Variants in COG6 observed in about 807,000 individuals in gnomAD.
The protein encoded by COG6 is component of oligomeric golgi complex 6, also known as conserved oligomeric Golgi complex subunit 6.
COG6 carries 74 observed loss-of-function variants against 88.8 expected under a neutral mutation model. The ratio of observed to expected loss-of-function variants is 0.83; its 90% CI spans 0.69 to 1.01. The LOEUF (loss-of-function observed/expected upper bound fraction) is 1.01. COG6 is among the 50% of genes least tolerant of loss of function. The probability of loss-of-function intolerance (pLI) is 0.00; values close to 1 mark genes in which losing one functional copy is unlikely to be tolerated. For missense variants in COG6, 800 were observed against 797.9 expected, an observed-to-expected ratio of 1.00 and a Z score of -0.03; for synonymous variants, 286 against 278.7, an observed-to-expected ratio of 1.03 and a Z score of -0.26.
chr13:39,673,383 G>A (rs1455310291), intron 4 of COG6, among the ~76,000 whole-genome samples: 1 of 151,972 alleles, frequency 6.6e-6, no homozygotes, highest in Non-Finnish European at 1.5e-5. Flanking sequence ...TGGAAATGCT[G>A]ACAAGAAAAC....
chr13:39,708,451 T>G (rs1217992687), intron 13 of COG6, among the ~76,000 whole-genome samples: 1 of 152,222 alleles, frequency 6.6e-6, no homozygotes, highest in African/African-American at 2.4e-5. Context: ...TAAGAAATCT[T>G]TGGCTATCTC....
At chr13:39,760,937 G>A (rs1880990566) in intron 18 of COG6, among the ~76,000 whole-genome samples, 1 of 151,644 alleles carries the variant, frequency 6.6e-6, no homozygotes, top group African/African-American at 2.4e-5. Context: ...ATGGCACAGT[G>A]CTTCATTTTC....
rs553623350 is a variant in COG6 at position 39,785,054 on chromosome 13, C to G, written c.1827-3281C>G. 7.2e-5 allele frequency among the ~76,000 whole-genome samples: 11 copies of G among 152,320 alleles called. No homozygotes were observed. In the South Asian group the frequency reaches 8.3e-4, roughly 11 times the overall value. On this transcript the variant is annotated intron_variant, in intron 18 of 18. Coordinates refer to the COG6 transcript ENST00000416691. ...CTTGATCATGGCCAACCGCAATATG[C>G]TTCAGCCTTGTGGCTATGGCATAGT...
At chr13:39,761,846 G>A (rs1457672390) in intron 18 of COG6, among the ~76,000 whole-genome samples, 2 of 151,064 alleles carry the variant, frequency 1.3e-5, no homozygotes, top group African/African-American at 2.4e-5. Context: ...ATCTCATTTT[G>A]GCTATTATCA....
At chr13:39,726,640 A>G (rs1879149663) in intron 17 of COG6, among the ~76,000 whole-genome samples, 2 of 151,978 alleles carry the variant, frequency 1.3e-5, no homozygotes, top group African/African-American at 4.8e-5. Flanking sequence ...TAAAACTTAA[A>G]TCAGATTTCT....
At chr13:39,686,810 G>A (rs1876670176) in intron 8 of COG6, among the ~76,000 whole-genome samples, 2 of 152,060 alleles carry the variant, frequency 1.3e-5, no homozygotes, top group Admixed American at 1.3e-4. Context: ...GCTAACTGCA[G>A]CCTGAACCTC....
chr13:39,664,378 C>A (rs1446886634), intron 3 of COG6, among the ~76,000 whole-genome samples: 1 of 152,192 alleles, frequency 6.6e-6, no homozygotes, highest in African/African-American at 2.4e-5. Flanking sequence ...TACTTCTCTT[C>A]TTATTGTTTA....
intron 4 of COG6, among the ~76,000 whole-genome samples, chr13:39,668,515 G>T (rs890640163): frequency 3.9e-5 from 6 of 152,084 alleles, no homozygotes; most frequent in Non-Finnish European, 7.4e-5. Context: ...AAGGCCGGGC[G>T]CCGTAGCTCA....
intron 13 of COG6, among the ~76,000 whole-genome samples, chr13:39,708,555 G>A (rs1878067032): frequency 6.6e-6 from 1 of 152,070 alleles, no homozygotes; most frequent in African/African-American, 2.4e-5. Context: ...AAATTTTTGA[G>A]TATGGTATGA....
intron 18 of COG6, among the ~76,000 whole-genome samples, chr13:39,763,186 A>G (rs1445196973): frequency 6.6e-6 from 1 of 151,718 alleles, no homozygotes; most frequent in Non-Finnish European, 1.5e-5. Flanking sequence ...TTAGTTTTGT[A>G]TGTTTTTGTA....
intron 8 of COG6, among the ~76,000 whole-genome samples, chr13:39,686,423 A>G (rs1372667882): frequency 6.6e-6 from 1 of 152,168 alleles, no homozygotes; most frequent in African/African-American, 2.4e-5. Flanking sequence ...TTGAATCCCA[A>G]ATTGTCCTAT....
chr13:39,706,643 T>C (rs753574623), intron 13 of COG6, among the ~76,000 whole-genome samples: 1 of 152,106 alleles, frequency 6.6e-6, no homozygotes, highest in Non-Finnish European at 1.5e-5. Context: ...ATATGGAATA[T>C]GAAGTTTTCA....
intron 18 of COG6, among the ~76,000 whole-genome samples, chr13:39,739,824 A>G (rs1879954475): frequency 6.6e-6 from 1 of 152,180 alleles, no homozygotes; most frequent in South Asian, 2.1e-4. Context: ...AAAAGAATTA[A>G]TAAAACTTAT....
intron 13 of COG6, among the ~76,000 whole-genome samples, chr13:39,712,174 A>G (rs1380072097): frequency 6.6e-6 from 1 of 151,872 alleles, no homozygotes; most frequent in Admixed American, 6.6e-5. Context: ...TGTATCTTGC[A>G]TTTTTCATTT....
intron 4 of COG6, 94 bp downstream of exon 4, chr13:39,665,248 T>G: frequency 1.4e-6 from 1 of 739,784 alleles, no homozygotes; most frequent in South Asian, 1.5e-5. Context: ...TAAAGCAGAA[T>G]AATAAAAAAC....
At chr13:39,752,806 G>GT (rs1880709527), downstream of COG6, among the ~76,000 whole-genome samples, 1 of 152,120 alleles carries the variant, frequency 6.6e-6, no homozygotes, top group African/African-American at 2.4e-5. Flanking sequence ...ATAAAACATT[G>GT]TAAGTAATAA....
At chr13:39,669,175 G>C (rs1413402306) in intron 4 of COG6, among the ~76,000 whole-genome samples, 1 of 152,182 alleles carries the variant, frequency 6.6e-6, no homozygotes, top group Non-Finnish European at 1.5e-5. Context: ...TCAGAATTAA[G>C]CCTGTGCCTT....
chr13:39,765,426 T>C (rs1881135613), intron 18 of COG6, among the ~76,000 whole-genome samples: 1 of 152,206 alleles, frequency 6.6e-6, no homozygotes, highest in African/African-American at 2.4e-5. Context: ...TAGCTGATTT[T>C]TGAATACTAG....
chr13:39,724,097 A>C (rs1033787245), intron 16 of COG6, among the ~76,000 whole-genome samples: 4 of 152,064 alleles, frequency 2.6e-5, no homozygotes, highest in Non-Finnish European at 5.9e-5. Context: ...TTAAAACACA[A>C]CTTTTCAATT....
Sources: allele counts gnomAD v4.1 joint callset (sites outside exome capture counted in the v4.1 genomes callset), GRCh38; gene constraint gnomAD v4.1.1; transcripts MANE v1.5; gene names NCBI Gene and HGNC (gene_info 2026-07-23, HGNC 2026-07-21).